Variants in SPEG observed in about 807,000 individuals in gnomAD.
SPEG encodes striated muscle preferentially expressed protein kinase.
A neutral mutation model predicts 300.4 loss-of-function variants in SPEG; 114 were observed. The observed-to-expected ratio is 0.38, with a 90% CI of 0.33 to 0.44. The LOEUF is 0.44. Among genes scored for constraint, SPEG ranks in the 20% least tolerant of loss-of-function variants. The probability of loss-of-function intolerance (pLI) is 1.00; values close to 1 mark genes in which losing one functional copy is unlikely to be tolerated. For missense variants in SPEG, 4,201 were observed against 4,586.2 expected, an observed-to-expected ratio of 0.92 and a Z score of 2.43; for synonymous variants, 1,964 against 2,018.9, an observed-to-expected ratio of 0.97 and a Z score of 0.73.
At position 219,435,100 on chromosome 2, in the gene SPEG, G is replaced by A; in HGVS notation, c.123G>A (p.Gly41=). Reference sequence around the variant, plus strand: ...GCGGGGCTCCTGTGGCCGTGGCCGGGGCGCCAGTCTTCCTGCGGCCCCTGA... The same window carrying A: ...GCGGGGCTCCTGTGGCCGTGGCCGGAGCGCCAGTCTTCCTGCGGCCCCTGA... ...AGGGAPVAVA[G]APVFLRPLKN... is the part of the protein sequence containing the mutation. Residue 41 remains glycine, a synonymous_variant, in exon 1 of 41, where the codon GGG becomes GGA. Coordinates refer to ENST00000312358, the MANE Select transcript of SPEG (RefSeq NM_005876.5). 6.9e-7 allele frequency: 1 copy of A among 1,458,728 alleles called. No homozygotes were observed. Among genetic ancestry groups the A allele is most frequent in the Middle Eastern group, 2.3e-4 (1 of 4,384 alleles). 90.4% of individuals were successfully genotyped at this position (1,458,728 alleles called of 1,614,324 possible). A position where few individuals can be genotyped will look rare whatever the true frequency, so the allele number is the denominator to read the frequency against.
chr2:219,460,937 G>C, intron 6 of SPEG: 1 of 986,196 alleles, frequency 1.0e-6, no homozygotes, highest in Non-Finnish European at 1.2e-6. Context: ...AGGAGGGCCT[G>C]GTGCCAGGGC....
intron 10 of SPEG, 146 bp from the exon 11 acceptor site, chr2:219,468,432 C>A (rs1691575562): frequency 3.5e-6 from 3 of 867,780 alleles, no homozygotes; most frequent in South Asian, 3.5e-5. Flanking sequence ...TGGATCTGTG[C>A]CCACTTCCTC....
chr2:219,457,839 C>G (rs953330236), intron 6 of SPEG, among the ~76,000 whole-genome samples: 1 of 152,232 alleles, frequency 6.6e-6, no homozygotes, highest in African/African-American at 2.4e-5. Context: ...TTGCTTCAAA[C>G]TTTTCCGCAT....
chr2:219,434,997 C>T lies in SPEG; in HGVS notation c.20C>T (p.Thr7Met). 6.6e-7 allele frequency: 1 copy of T among 1,505,366 alleles called. No individual in the cohort carries two copies. The highest frequency in any genetic ancestry group is 8.8e-7 in the Non-Finnish European group (1 of 1,134,820). The allele number at this position is 1,505,366 out of a possible 1,614,324, so 93.3% of individuals were successfully genotyped here. The change falls in exon 1 of 41, where the codon ACG (threonine) becomes ATG (methionine). Residue 7 changes from threonine to methionine, a missense_variant. By Grantham distance (81) the Thr-to-Met change is moderately conservative (BLOSUM62 -1). Around this residue, in one of 4 missense-constraint regions of SPEG, gnomAD observed 1,258 missense variants for 1,293.9 expected, o/e 0.97. Coordinates refer to ENST00000312358, the MANE Select transcript of SPEG (RefSeq NM_005876.5). The part of the protein sequence containing the change: MQKARG[T>M]RGEDAGTRAP... ...GTGGCCATGCAGAAAGCCCGGGGCA[C>T]GCGAGGCGAGGATGCGGGCACGAGG... is the stretch of plus-strand genomic sequence containing the variant.
chr2:219,465,888 TGTGTGC>T (rs1691251695), intron 9 of SPEG: 1 of 632,820 alleles, frequency 1.6e-6, no homozygotes, highest in Non-Finnish European at 2.8e-6. Context: ...TGCGTGTGCA[TGTGTGC>T]GTATGGGTGT....
Position 219,489,044 on chromosome 2 carries a change from C to T in SPEG, c.8150-10C>T. ...CTGTGACCTCAGCCCCTCCCCCATA[C>T]TGCCTATAGGGGAGTCTGTGTGGCA... On this transcript the variant is annotated splice_polypyrimidine_tract_variant and intron_variant, in intron 34 of 40. Transcript: ENST00000312358. The T allele has an allele frequency of 1.2e-6, 2 of 1,613,366 alleles. No homozygotes were observed. Among genetic ancestry groups the T allele is most frequent in the Non-Finnish European group, 1.7e-6 (2 of 1,179,638 alleles).
intron 12 of SPEG, 30 bp downstream of exon 12, chr2:219,469,078 G>A (rs372970011): frequency 2.5e-6 from 4 of 1,608,788 alleles, no homozygotes; most frequent in Non-Finnish European, 3.4e-6. Context: ...TGATGCTGGG[G>A]CTGCCTGTGA....
intron 3 of SPEG, among the ~76,000 whole-genome samples, chr2:219,446,651 C>T (rs1249737872): frequency 1.3e-5 from 2 of 152,230 alleles, no homozygotes; most frequent in African/African-American, 4.8e-5. Context: ...ACTTGTCCTC[C>T]CTTCTGTGCC....
rs1690328272 is a variant in SPEG at position 219,458,032 on chromosome 2, T to C, written c.2441-3850T>C. Among the ~76,000 whole-genome samples the C allele has an allele frequency of 6.6e-6, 1 of 152,124 alleles. No individual in the cohort carries two copies. The highest frequency in any genetic ancestry group is 2.4e-5 in the African/African-American group (1 of 41,410). Reference sequence around the variant, plus strand: ...ACTTCCTGCTTGCTCTTGTAGTCACTTGTGTATCTGGTTTGTCTTCCCCAC... The same window carrying C: ...ACTTCCTGCTTGCTCTTGTAGTCACCTGTGTATCTGGTTTGTCTTCCCCAC... On this transcript the variant is annotated intron_variant, in intron 6 of 40. Transcript: ENST00000312358. This position sits in a 1 kb window ranked among gnomAD's most constrained non-coding sequence, Gnocchi z 4.2.
At chr2:219,467,813 A>G (rs1162509019) in intron 10 of SPEG, among the ~76,000 whole-genome samples, 1 of 152,244 alleles carries the variant, frequency 6.6e-6, no homozygotes, top group Non-Finnish European at 1.5e-5. Flanking sequence ...GATTGGCAGG[A>G]TTAATGAGAT....
rs761482847 is a variant in SPEG at position 219,467,242 on chromosome 2, A to G, written c.2950A>G (p.Met984Val). 2 of 1,605,828 alleles carry G rather than the reference A, an allele frequency of 1.2e-6. No individual in the cohort carries two copies. Among genetic ancestry groups the G allele is most frequent in the South Asian group, 2.2e-5 (2 of 90,992 alleles). ...LQDVDVGAGEMALFECLVAGP... is the reference protein window; with the variant it reads ...LQDVDVGAGEVALFECLVAGP... ...GGACGTGGACGTGGGGGCCGGGGAG[A>G]TGGCGCTGTTTGAGTGCCTGGTGGC... is the stretch of plus-strand genomic sequence containing the variant. The change falls in exon 10 of 41, where the codon ATG becomes GTG. Residue 984 changes from methionine to valine, a missense_variant. Transcript: ENST00000312358.
chr2:219,458,127 G>A lies in SPEG; in HGVS notation c.2441-3755G>A, dbSNP rs914904500. Reference sequence around the variant, plus strand: ...TTAGCACTGGCAGCTGTGCCTGGGGGCCCTCCTGGACAGTTAGGGGCTGTG... The same window carrying A: ...TTAGCACTGGCAGCTGTGCCTGGGGACCCTCCTGGACAGTTAGGGGCTGTG... On this transcript the variant is annotated intron_variant, in intron 6 of 40. Coordinates refer to ENST00000312358, the MANE Select transcript of SPEG (RefSeq NM_005876.5). The surrounding 1 kb of genome is among the most constrained non-coding windows in gnomAD (Gnocchi z 4.2). Among the ~76,000 whole-genome samples the A allele has an allele frequency of 1.1e-4, 17 of 152,280 alleles. No homozygotes were observed. Among genetic ancestry groups the A allele is most frequent in the African/African-American group, 3.8e-4 (16 of 41,562 alleles).
intron 18 of SPEG, among the ~76,000 whole-genome samples, chr2:219,475,954 C>T (rs567621516): frequency 3.2e-4 from 49 of 152,102 alleles, no homozygotes; most frequent in South Asian, 2.3e-3. Flanking sequence ...GGGTCCACAC[C>T]CGGCCGCCCT....
chr2:219,460,085 C>A (rs954765311), intron 6 of SPEG, among the ~76,000 whole-genome samples: 1 of 152,230 alleles, frequency 6.6e-6, no homozygotes, highest in Admixed American at 6.5e-5. Context: ...CCCCCGCTGT[C>A]CTCTTTAGCG....
rs763411423 is a variant in SPEG at position 219,489,382 on chromosome 2, C to T, written c.8364C>T (p.Thr2788=). Residue 2788 remains threonine, a synonymous_variant, in exon 36 of 41, where the codon ACC becomes ACT. Transcript: ENST00000312358. ...PSAAHQEAPV[T]SRPARARPPD... ...CTGCCCACCAAGAGGCCCCTGTCAC[C>T]TCAAGGCCAGCCAGGGCCCGGCCTC... is the stretch of plus-strand genomic sequence containing the variant. The T allele has an allele frequency of 1.9e-6, 3 of 1,613,524 alleles. No individual in the cohort carries two copies. In the African/African-American group the frequency reaches 4.0e-5, roughly 22 times the overall value.
rs1689136497 is a variant in SPEG, at chr2:219,444,426, C to T, written c.389-227C>T. On this transcript the variant is annotated intron_variant, in intron 1 of 40. Transcript: ENST00000312358. The surrounding 1 kb of genome is among the most constrained non-coding windows in gnomAD (Gnocchi z 7.8). ...GTTTGGAGGGCCCTACGGAGGTAAA[C>T]GTGAGTAACCAGGGGCCCAGAGATG... Among the ~76,000 whole-genome samples, 1 of 151,786 alleles carries T rather than the reference C, an allele frequency of 6.6e-6. No individual in the cohort carries two copies. Among genetic ancestry groups the T allele is most frequent in the African/African-American group, 2.4e-5 (1 of 41,310 alleles).
intron 31 of SPEG, 53 bp downstream of exon 31, chr2:219,485,530 C>T: frequency 4.0e-6 from 6 of 1,488,706 alleles, no homozygotes; most frequent in South Asian, 2.8e-5. Context: ...CCCTCCCCTA[C>T]CCCCATCAGG....
rs766340365 is a variant in SPEG, at chr2:219,445,009, G to A, written c.663G>A (p.Gly221=). Residue 221 remains glycine, a synonymous_variant, in exon 3 of 41, where the codon GGG becomes GGA. Coordinates refer to ENST00000312358, the MANE Select transcript of SPEG (RefSeq NM_005876.5). The surrounding 1 kb of genome is among the most constrained non-coding windows in gnomAD (Gnocchi z 6.1). ...GGCAAGCACAGGCAACCGGGGCCGGGCCACGGCACCTGGGGGTGGAGCCGC... is the reference window on the plus strand; with the variant it reads ...GGCAAGCACAGGCAACCGGGGCCGGACCACGGCACCTGGGGGTGGAGCCGC... The part of the protein sequence containing the change: ...SPRQAQATGA[G]PRHLGVEPLV... The A allele has an allele frequency of 3.7e-6, 6 of 1,610,600 alleles. No individual in the cohort carries two copies. The East Asian group carries it at 1.1e-4, about 30-fold the overall frequency.
chr2:219,481,496 C>T lies in SPEG; in HGVS notation c.5522+40C>T, dbSNP rs1692837759. ...CTGGGAGCCCCCACCTGCAGGGTCA[C>T]CCTCATACCACCTGCCTGCTACTCC... On this transcript the variant is annotated intron_variant, in intron 27 of 40. Transcript: ENST00000312358. This position sits in a 1 kb window ranked among gnomAD's most constrained non-coding sequence, Gnocchi z 5.4. 1 of 1,610,958 alleles carries T rather than the reference C, an allele frequency of 6.2e-7. No homozygotes were observed.
Sources: allele counts gnomAD v4.1 joint callset (sites outside exome capture counted in the v4.1 genomes callset), GRCh38; gene constraint gnomAD v4.1.1; regional missense constraint gnomAD v4.1.1; non-coding constraint Gnocchi (gnomAD v3.1); transcripts MANE v1.5; gene names NCBI Gene and HGNC (gene_info 2026-07-23, HGNC 2026-07-21).